The following GRIN2B variants were observed in gnomAD, a reference collection of about 807,000 sequenced individuals.
The protein encoded by GRIN2B is glutamate receptor ionotropic, NMDA 2B.
A neutral mutation model predicts 114.5 loss-of-function variants in GRIN2B; 5 were observed. The ratio of observed to expected loss-of-function variants is 0.04; its 90% confidence interval spans 0.02 to 0.09. GRIN2B has a LOEUF of 0.09. Ranked by LOEUF, GRIN2B falls within the 10% of genes least tolerant of loss-of-function variation. GRIN2B has a pLI of 1.00. For missense variants in GRIN2B, 1,108 were observed against 1,943.5 expected (o/e 0.57, Z 8.08); for synonymous variants, 787 against 745.1 (o/e 1.06, Z -0.92).
At chr12:13,575,159 A>C (rs1188777327) in intron 10 of GRIN2B, among the ~76,000 whole-genome samples, 1 of 152,226 alleles carries the variant, frequency 6.6e-6, no homozygotes, top group African/African-American at 2.4e-5. Context: ...CTTAGCTACA[A>C]CACCAAAAGC....
intron 2 of GRIN2B, among the ~76,000 whole-genome samples, chr12:13,872,419 G>A (rs1865925511): frequency 6.8e-6 from 1 of 147,508 alleles, no homozygotes; most frequent in African/African-American, 2.5e-5. Flanking sequence ...TCATGCCACT[G>A]TACTCCAGCC....
At chr12:13,750,951 T>C (rs1237616566) in intron 4 of GRIN2B, among the ~76,000 whole-genome samples, 1 of 152,190 alleles carries the variant, frequency 6.6e-6, no homozygotes, top group Non-Finnish European at 1.5e-5. Context: ...ACAGTAATCT[T>C]ATTCTGAAGC....
intron 5 of GRIN2B, among the ~76,000 whole-genome samples, chr12:13,620,279 T>C (rs1035716367): frequency 2.0e-5 from 3 of 152,280 alleles, no homozygotes; most frequent in Admixed American, 2.0e-4. Flanking sequence ...TGGGGAGCAA[T>C]TGTCTAGCAC....
chr12:13,854,894 C>G (rs1865631978), intron 3 of GRIN2B, among the ~76,000 whole-genome samples: 1 of 151,888 alleles, frequency 6.6e-6, no homozygotes, highest in African/African-American at 2.4e-5. Context: ...GTACTTTGAA[C>G]AATCTTACTT....
chr12:13,589,301 A>G (rs1467203087), intron 10 of GRIN2B, among the ~76,000 whole-genome samples: 1 of 152,236 alleles, frequency 6.6e-6, no homozygotes, highest in Non-Finnish European at 1.5e-5. Flanking sequence ...TGAGGACAGG[A>G]GCAGGATTTT....
intron 4 of GRIN2B, among the ~76,000 whole-genome samples, chr12:13,719,511 ATGG>A (rs1950489071): frequency 6.6e-6 from 1 of 152,012 alleles, no homozygotes; most frequent in South Asian, 2.1e-4. Context: ...AACAACCAAA[ATGG>A]TGGTAACACT....
rs1565480002 is a variant in GRIN2B at position 13,621,359 on chromosome 12, AGAAC to A, written c.1126-4706_1126-4703del. On this transcript the variant is annotated intron_variant, in intron 5 of 13. Transcript: ENST00000609686. ...ATATTTCAGAGACAATGTAGCGAGA[AGAAC>A]TGAATGAAGAATTTATGCTTGAGAT... is the stretch of plus-strand genomic sequence containing the variant. Among the ~76,000 whole-genome samples the A allele has an allele frequency of 4.6e-5, 7 of 152,282 alleles. No individual in the cohort carries two copies. In the South Asian group the frequency reaches 1.5e-3, roughly 32 times the overall value.
intron 3 of GRIN2B, among the ~76,000 whole-genome samples, chr12:13,825,496 T>TTTTTTTTTTTTGTGTG (rs375940899): frequency 4.9e-5 from 6 of 122,968 alleles, no homozygotes; most frequent in African/African-American, 1.9e-4. Context: ...TATATATATT[T>TTTTTTTTTTTTGTGTG]TGTGTGTGTG....
At chr12:13,793,123 C>G (rs1206432240) in intron 3 of GRIN2B, among the ~76,000 whole-genome samples, 1 of 152,142 alleles carries the variant, frequency 6.6e-6, no homozygotes, top group African/African-American at 2.4e-5. Flanking sequence ...TTATTCAACT[C>G]AGGGCAGGCA....
At chr12:13,956,555 C>T (rs1867595639) in intron 2 of GRIN2B, among the ~76,000 whole-genome samples, 1 of 152,176 alleles carries the variant, frequency 6.6e-6, no homozygotes, top group Non-Finnish European at 1.5e-5. Context: ...GCGCCTTTTT[C>T]TCCAAGTCGT....
At chr12:13,922,323 C>T (rs1866838202) in intron 2 of GRIN2B, among the ~76,000 whole-genome samples, 1 of 152,128 alleles carries the variant, frequency 6.6e-6, no homozygotes, top group African/African-American at 2.4e-5. Flanking sequence ...TGAGCTCAAA[C>T]CCCCGCTTCC....
intron 5 of GRIN2B, among the ~76,000 whole-genome samples, chr12:13,660,282 G>T (rs78401099): frequency 6.6e-6 from 1 of 152,092 alleles, no homozygotes; most frequent in African/African-American, 2.4e-5. Context: ...TCATCTTAGC[G>T]GCTGCCTACC....
chr12:13,869,204 T>G (rs568292878), intron 2 of GRIN2B, among the ~76,000 whole-genome samples: 37 of 152,076 alleles, frequency 2.4e-4, no homozygotes, highest in Admixed American at 5.9e-4. Flanking sequence ...ATTGAGCACT[T>G]ATAACCTAGA....
intron 2 of GRIN2B, among the ~76,000 whole-genome samples, chr12:13,940,589 T>C (rs942083061): frequency 3.9e-5 from 6 of 151,924 alleles, no homozygotes; most frequent in African/African-American, 1.5e-4. Flanking sequence ...CAAAGGGAAG[T>C]GTAGGCTGAA....
chr12:13,971,012 C>A (rs111880572), intron 2 of GRIN2B, among the ~76,000 whole-genome samples: 39 of 152,204 alleles, frequency 2.6e-4, no homozygotes, highest in African/African-American at 8.9e-4. Context: ...ACAGAGCTCA[C>A]GGGTGAAACT....
intron 10 of GRIN2B, among the ~76,000 whole-genome samples, chr12:13,579,108 G>T (rs544718648): frequency 6.6e-6 from 1 of 152,238 alleles, no homozygotes; most frequent in African/African-American, 2.4e-5. Flanking sequence ...GGAGCAAAAT[G>T]GTTTCTAGAT....
At chr12:13,579,604 G>C (rs555253862) in intron 10 of GRIN2B, among the ~76,000 whole-genome samples, 1 of 151,962 alleles carries the variant, frequency 6.6e-6, no homozygotes, top group South Asian at 2.1e-4. Flanking sequence ...CTTCATCATC[G>C]CCATTGGAAG....
rs759122324 is a variant in GRIN2B, at chr12:13,548,468, C to T, written c.*14315G>A. 3.7e-5 allele frequency: 3 copies of T among 81,452 alleles called. No homozygotes were observed. The highest frequency in any genetic ancestry group is 9.1e-5 in the African/African-American group (3 of 32,798). The allele number at this position is 81,452 out of a possible 1,614,324, so 5.0% of individuals were successfully genotyped here. On this transcript the variant is annotated 3_prime_UTR_variant, in exon 14 of 14. Transcript: ENST00000609686. ...GCCCTCAGAGTCCCCAAGAATCCTG[C>T]TATTTTCCCACCTCCCCCCCCCGAT...
intron 2 of GRIN2B, among the ~76,000 whole-genome samples, chr12:13,928,060 C>T (rs1030200155): frequency 2.6e-5 from 4 of 151,364 alleles, no homozygotes; most frequent in South Asian, 2.1e-4. Context: ...CCTGTAATCC[C>T]GGTACTTTGG....
Sources: gnomAD v4.1 joint callset for allele counts (sites outside exome capture counted in the v4.1 genomes callset) on GRCh38, gnomAD v4.1.1 for gene constraint, MANE v1.5 for transcripts, NCBI Gene and HGNC (gene_info 2026-07-23, HGNC 2026-07-21) for gene names.